Variants in ADAMTS9 observed in about 807,000 individuals in gnomAD.
ADAMTS9 encodes the protein ADAM metallopeptidase with thrombospondin type 1 motif 9.
Under a neutral mutation model 257.1 loss-of-function variants are expected in ADAMTS9, and 107 were observed. The observed-to-expected ratio is 0.42, with a 90% CI of 0.36 to 0.49. ADAMTS9 has a LOEUF of 0.49. ADAMTS9 is among the 20% of genes least tolerant of loss of function. ADAMTS9 has a pLI of 0.03. For synonymous variants in ADAMTS9, 982 were observed against 880.9 expected (o/e 1.11, Z -2.03); for missense variants, 2,353 against 2,469.1 (o/e 0.95, Z 1.00).
At chr3:64,610,365 T>C (rs1246675308) in intron 22 of ADAMTS9, among the ~76,000 whole-genome samples, 3 of 152,152 alleles carry the variant, frequency 2.0e-5, no homozygotes, top group Non-Finnish European at 2.9e-5. Flanking sequence ...TGATAAGGAA[T>C]TGACATCTAG....
At chr3:64,629,213 G>A (rs890275054) in intron 16 of ADAMTS9, among the ~76,000 whole-genome samples, 1 of 152,098 alleles carries the variant, frequency 6.6e-6, no homozygotes, top group Non-Finnish European at 1.5e-5. Context: ...CCTAATCAAT[G>A]GCACCGCTTC....
intron 3 of ADAMTS9, among the ~76,000 whole-genome samples, chr3:64,666,742 A>G (rs1387678498): frequency 6.6e-6 from 1 of 152,264 alleles, no homozygotes; most frequent in Non-Finnish European, 1.5e-5. Flanking sequence ...GGTCCAATAC[A>G]TATTTAACAT....
intron 37 of ADAMTS9, among the ~76,000 whole-genome samples, chr3:64,535,017 G>C (rs1398143962): frequency 6.6e-6 from 1 of 152,158 alleles, no homozygotes; most frequent in Non-Finnish European, 1.5e-5. Context: ...CCTGTGAATA[G>C]GAGGTGATTA....
intron 10 of ADAMTS9, among the ~76,000 whole-genome samples, chr3:64,649,268 A>C (rs1700871946): frequency 6.6e-6 from 1 of 152,174 alleles, no homozygotes. Flanking sequence ...CCTATAATTT[A>C]GGTCACCTGG....
At chr3:64,567,473 C>T (rs1248007562) in intron 29 of ADAMTS9, among the ~76,000 whole-genome samples, 2 of 152,124 alleles carry the variant, frequency 1.3e-5, no homozygotes, top group African/African-American at 2.4e-5. Context: ...TAAGTTAGCA[C>T]CTTCAACCAA....
chr3:64,632,983 A>G (rs1289809547), intron 14 of ADAMTS9, among the ~76,000 whole-genome samples: 1 of 152,204 alleles, frequency 6.6e-6, no homozygotes, highest in African/African-American at 2.4e-5. Flanking sequence ...GAAGTTTCTC[A>G]ATTTCCCTTT....
intron 12 of ADAMTS9, among the ~76,000 whole-genome samples, chr3:64,636,424 G>A (rs1383784881): frequency 6.6e-6 from 1 of 152,092 alleles, no homozygotes; most frequent in African/African-American, 2.4e-5. Context: ...ATCTTGCCAA[G>A]CCTCCGTTTG....
rs776148858 is a variant in ADAMTS9, at chr3:64,621,259, A to G, written c.2687-19T>C. ...CGTTCCCCTAAGCAGAAAGGGAAAA[A>G]AAATTATTCAGGGAAAATAATCTAT... On this transcript the variant is annotated intron_variant, in intron 18 of 39. Transcript: ENST00000498707. 2 of 1,603,408 alleles carry G rather than the reference A, an allele frequency of 1.2e-6. No homozygotes were observed. The highest frequency in any genetic ancestry group is 2.2e-5 in the East Asian group (1 of 44,536).
intron 38 of ADAMTS9, among the ~76,000 whole-genome samples, chr3:64,525,020 G>A (rs544905016): frequency 3.6e-4 from 55 of 152,134 alleles, no homozygotes; most frequent in African/African-American, 1.3e-3. Flanking sequence ...AAACCTTCCT[G>A]ACCTGGTTAT....
intron 9 of ADAMTS9, chr3:64,650,071 CA>C (rs1700893871): frequency 3.5e-6 from 1 of 285,056 alleles, no homozygotes; most frequent in South Asian, 8.9e-5. Flanking sequence ...CTATCTTTCC[CA>C]ATAGACTGTA....
chr3:64,618,061 A>C (rs1700009985), intron 19 of ADAMTS9, among the ~76,000 whole-genome samples: 1 of 152,202 alleles, frequency 6.6e-6, no homozygotes, highest in African/African-American at 2.4e-5. Flanking sequence ...TTATTTTCCC[A>C]ACAATCTATA....
chr3:64,634,804 G>C (rs1473656514), intron 12 of ADAMTS9, among the ~76,000 whole-genome samples: 3 of 152,146 alleles, frequency 2.0e-5, no homozygotes, highest in East Asian at 1.9e-4. Flanking sequence ...CCTTTAGAAT[G>C]AATCTTTCAG....
chr3:64,539,253 C>G lies in ADAMTS9; in HGVS notation c.5563G>C (p.Val1855Leu). 1 of 1,614,018 alleles carries G rather than the reference C, an allele frequency of 6.2e-7. No individual in the cohort carries two copies. The highest frequency in any genetic ancestry group is 8.5e-7 in the Non-Finnish European group (1 of 1,179,946). Residue 1855 changes from valine to leucine, a missense_variant, in exon 37 of 40, where the codon GTC becomes CTC. Val to Leu is a conservative substitution (Grantham distance 32, BLOSUM62 1). Around this residue, in one of 3 missense-constraint regions of ADAMTS9, gnomAD observed 1,402 missense variants for 1,441.4 expected, o/e 0.97. Transcript: ENST00000498707. The part of the protein sequence containing the change: ...QFARTSEGHP[V>L]PFATAGDCYS... ...CAATCCCCGGCTGTGGCAAAAGGGA[C>G]GGGATGTCCTTCGCTTGTCCTTGCA...
chr3:64,657,509 GTTT>G (rs71102809), intron 4 of ADAMTS9, among the ~76,000 whole-genome samples: 1 of 146,820 alleles, frequency 6.8e-6, no homozygotes, highest in Non-Finnish European at 1.5e-5. Context: ...TGGCTAATTG[GTTT>G]TTTTTTTTAA....
intron 11 of ADAMTS9, 95 bp from the exon 12 acceptor site, chr3:64,642,088 T>C: frequency 7.1e-7 from 1 of 1,399,526 alleles, no homozygotes. Context: ...GTAATTCTTT[T>C]CCATGTGTGG....
chr3:64,546,817 G>T lies in ADAMTS9; in HGVS notation c.5005C>A (p.Pro1669Thr). Residue 1669 changes from proline to threonine, a missense_variant, in exon 32 of 40, where the codon CCC becomes ACC. Coordinates refer to ENST00000498707, the MANE Select transcript of ADAMTS9 (RefSeq NM_182920.2). Reference protein sequence around the residue: ...CPGTQPPSVHPCYLRDCPVSA... With the variant: ...CPGTQPPSVHTCYLRDCPVSA... ...ACAGGGCAGTCCCTCAGGTAACAGG[G>T]GTGAACACTGGGGGGCTGCGTGCCT... is the stretch of plus-strand genomic sequence containing the variant. The T allele has an allele frequency of 3.1e-6, 5 of 1,613,958 alleles. No individual in the cohort carries two copies. Among genetic ancestry groups the T allele is most frequent in the African/African-American group, 1.3e-5 (1 of 75,028 alleles).
rs1379757566 is a variant in ADAMTS9 at position 64,574,685 on chromosome 3, T to G, written c.4357-6150A>C. 2.6e-5 allele frequency among the ~76,000 whole-genome samples: 4 copies of G among 151,810 alleles called. No homozygotes were observed. The East Asian group carries it at 5.8e-4, about 22-fold the overall frequency. On this transcript the variant is annotated intron_variant, in intron 28 of 39. Coordinates refer to ENST00000498707, the MANE Select transcript of ADAMTS9 (RefSeq NM_182920.2). ...GGGTTTGGGGTTAGTGAGCTATGAC[T>G]GTGCTACTGCACTCCAGCCTGGTTG... is the stretch of plus-strand genomic sequence containing the variant.
rs775830132 is a variant in ADAMTS9 at position 64,633,804 on chromosome 3, C to T, written c.1932G>A (p.Lys644=). 8.7e-6 allele frequency: 14 copies of T among 1,613,306 alleles called. No individual in the cohort carries two copies. Among genetic ancestry groups the T allele is most frequent in the Non-Finnish European group, 1.2e-5 (14 of 1,179,890 alleles). Residue 644 remains lysine (K), a synonymous_variant, in exon 13 of 40, where the codon AAG becomes AAA. Transcript: ENST00000498707. ...FKSCNTEPCL[K]QKRDFRDEQC... The stretch of plus-strand genomic sequence containing the variant: ...GTTCATCTCGGAAGTCTCGCTTCTG[C>T]TTGAGACATGGCTCCGTGTTGCAGG...
intron 8 of ADAMTS9, among the ~76,000 whole-genome samples, chr3:64,653,189 T>G (rs1174919714): frequency 6.6e-6 from 1 of 152,152 alleles, no homozygotes; most frequent in East Asian, 1.9e-4. Flanking sequence ...TTTAATTACT[T>G]GATCAAGTCC....
Sources: allele counts gnomAD v4.1 joint callset (sites outside exome capture counted in the v4.1 genomes callset), GRCh38; gene constraint gnomAD v4.1.1; regional missense constraint gnomAD v4.1.1; transcripts MANE v1.5; gene names NCBI Gene and HGNC (gene_info 2026-07-23, HGNC 2026-07-21).